Variants in LMO2 observed in about 807,000 individuals in gnomAD.
The protein encoded by LMO2 is LIM domain only 2, also known as rhombotin-2.
In LMO2, 20 loss-of-function variants were observed where a neutral mutation model predicts 23.2. The ratio of observed to expected loss-of-function variants is 0.86; its 90% CI spans 0.61 to 1.25. LMO2 has a LOEUF of 1.25. Ranked by LOEUF, LMO2 falls within the 50% of genes most tolerant of loss-of-function variation. The probability of loss-of-function intolerance (pLI) is 0.00; values close to 1 mark genes in which losing one functional copy is unlikely to be tolerated. For missense variants in LMO2, 270 were observed against 315.3 expected, an observed-to-expected ratio of 0.86 and a Z score of 1.09; for synonymous variants, 123 against 130.2, an observed-to-expected ratio of 0.94 and a Z score of 0.38.
At position 33,869,741 on chromosome 11, in the gene LMO2, CG is replaced by C; in HGVS notation, c.-26del. 7.9e-7 allele frequency: 1 copy of C among 1,266,200 alleles called. No homozygotes were observed. The highest frequency in any genetic ancestry group is 2.3e-5 in the South Asian group (1 of 44,060). 78.4% of individuals were successfully genotyped at this position (1,266,200 alleles called of 1,614,324 possible). On this transcript the variant is annotated 5_prime_UTR_variant, in exon 3 of 6. Coordinates refer to ENST00000257818, the MANE Select transcript of LMO2 (RefSeq NM_005574.4). ...TCCCGGTCCCGCCGCCGCCACCGCC[CG>C]GTCCCTCTCGCGCGCTGTCGCCGGC...
intron 4 of LMO2, among the ~76,000 whole-genome samples, chr11:33,866,715 G>A (rs534277414): frequency 9.2e-5 from 14 of 152,160 alleles, no homozygotes; most frequent in Admixed American, 7.8e-4. Context: ...GCACAATCTC[G>A]GCTCACTGCA....
At chr11:33,872,056 C>T (rs372160598) in intron 2 of LMO2, among the ~76,000 whole-genome samples, 14 of 152,118 alleles carry the variant, frequency 9.2e-5, no homozygotes, top group African/African-American at 1.4e-4. Context: ...TTTGAGAGGC[C>T]GAGGCGGGTG....
intron 1 of LMO2, among the ~76,000 whole-genome samples, chr11:33,889,893 A>C (rs1221454578): frequency 6.6e-6 from 1 of 152,228 alleles, no homozygotes; most frequent in Non-Finnish European, 1.5e-5. Flanking sequence ...AATCAACCTA[A>C]GTGTCCATCA....
At chr11:33,887,888 A>G (rs1857451755) in intron 1 of LMO2, among the ~76,000 whole-genome samples, 1 of 151,996 alleles carries the variant, frequency 6.6e-6, no homozygotes, top group South Asian at 2.1e-4. Context: ...ATGTGGATTT[A>G]ATGAGCCACT....
chr11:33,867,899 C>T (rs1856844533), intron 4 of LMO2, among the ~76,000 whole-genome samples: 1 of 152,162 alleles, frequency 6.6e-6, no homozygotes, highest in African/African-American at 2.4e-5. Context: ...AATTCACTCC[C>T]TTATTGTGTT....
chr11:33,882,764 T>C (rs1345329719), intron 1 of LMO2, among the ~76,000 whole-genome samples: 2 of 152,238 alleles, frequency 1.3e-5, no homozygotes, highest in African/African-American at 4.8e-5. Context: ...TCAGTAATAT[T>C]ATTCCAATTT....
chr11:33,862,230 T>A (rs975744174), intron 5 of LMO2, among the ~76,000 whole-genome samples: 3 of 152,178 alleles, frequency 2.0e-5, no homozygotes, highest in African/African-American at 7.2e-5. Flanking sequence ...GGAATATAAG[T>A]TATGCCTGGC....
At chr11:33,878,543 T>G (rs1055613753) in intron 2 of LMO2, among the ~76,000 whole-genome samples, 4 of 152,250 alleles carry the variant, frequency 2.6e-5, no homozygotes, top group African/African-American at 7.2e-5. Flanking sequence ...AGATAATGTA[T>G]GCAGTGGGCA....
In LMO2 at chr11:33,859,563, T is replaced by C; in HGVS notation, c.477A>G (p.Gln159=). 6.2e-7 allele frequency: 1 copy of C among 1,613,974 alleles called. No individual in the cohort carries two copies. Among genetic ancestry groups the C allele is most frequent in the Non-Finnish European group, 8.5e-7 (1 of 1,179,998 alleles). Residue 159 remains glutamine, a synonymous_variant, in exon 6 of 6, where the codon CAA becomes CAG. Transcript: ENST00000257818. The part of the protein sequence containing the change: ...CRRDYLRLFG[Q]DGLCASCDKR... ...TGTCACAGGATGCGCAGAGACCGTC[T>C]TGCCCAAAAAGCCTGGGGCAAAAGA...
intron 2 of LMO2, among the ~76,000 whole-genome samples, chr11:33,871,467 C>G (rs1257469201): frequency 7.0e-6 from 1 of 143,556 alleles, no homozygotes; most frequent in Admixed American, 7.2e-5. Flanking sequence ...ACTCGGGAGG[C>G]GGAGGTGGGA....
intron 2 of LMO2, chr11:33,881,288 A>G (rs1227101978): frequency 2.2e-6 from 1 of 456,814 alleles, no homozygotes; most frequent in Non-Finnish European, 4.4e-6. Flanking sequence ...GCAAAGGAAG[A>G]GCTATTAACA....
rs1050150058 is a variant in LMO2, at chr11:33,864,678, C to T, written c.388G>A (p.Gly130Ser). ...HEDCLSCDLC[G>S]CRLGEVGRRL... is the part of the protein sequence containing the mutation. ...CGCCCCACCTCACCCAGCCGGCAGC[C>T]ACAGAGGTCGCAGCTCAGGCAGTCC... Residue 130 changes from glycine (G) to serine (S), a missense_variant, in exon 5 of 6, where the codon GGC (glycine) becomes AGC (serine). Physicochemically the swap from Gly to Ser is moderately conservative, Grantham distance 56. Around this residue, in one of 2 missense-constraint regions of LMO2, gnomAD observed 100 missense variants for 153.3 expected, o/e 0.65. Coordinates refer to ENST00000257818, the MANE Select transcript of LMO2 (RefSeq NM_005574.4). This position sits in a 1 kb window ranked among gnomAD's most constrained non-coding sequence, Gnocchi z 4.8. The T allele has an allele frequency of 3.7e-6, 6 of 1,613,982 alleles. No homozygotes were observed. The highest frequency in any genetic ancestry group is 5.1e-6 in the Non-Finnish European group (6 of 1,180,046).
chr11:33,863,896 G>C (rs1251923546), intron 5 of LMO2, among the ~76,000 whole-genome samples: 2 of 152,162 alleles, frequency 1.3e-5, no homozygotes, highest in African/African-American at 4.8e-5. Flanking sequence ...TAGTTTATCT[G>C]CATTATTCCA....
chr11:33,871,209 G>C (rs1857013649), intron 2 of LMO2: 2 of 120,538 alleles, frequency 1.7e-5, no homozygotes, highest in South Asian at 5.1e-4. Context: ...AGCTGTGTGT[G>C]TGTGTGTGTG....
chr11:33,863,987 TTAAA>T lies in LMO2; in HGVS notation c.464+611_464+614del, dbSNP rs575480762. On this transcript the variant is annotated intron_variant, in intron 5 of 5. Transcript: ENST00000257818. ...ATAAGGAAATCGAGGCTTAGGAAGG[TTAAA>T]TAACTTGCCCAAGGCCACCAAGCTG... Among the ~76,000 whole-genome samples the T allele has an allele frequency of 7.4e-4, 113 of 152,222 alleles. 1 individual carries two copies. Among genetic ancestry groups the T allele is most frequent in the Admixed American group, 7.2e-3 (110 of 15,292 alleles).
chr11:33,868,186 C>A (rs982443660), intron 4 of LMO2, among the ~76,000 whole-genome samples: 1 of 152,104 alleles, frequency 6.6e-6, no homozygotes, highest in East Asian at 1.9e-4. Flanking sequence ...ATATGTTGAG[C>A]TTTTATGCTG....
At position 33,869,307 on chromosome 11, in the gene LMO2, G is replaced by A. The variant is rs1013319734; in HGVS notation, c.248+39C>T. The A allele has an allele frequency of 1.5e-5, 17 of 1,150,008 alleles. No homozygotes were observed. In the East Asian group the frequency reaches 3.9e-4, roughly 26 times the overall value. 71.2% of individuals were successfully genotyped at this position (1,150,008 alleles called of 1,614,324 possible). On this transcript the variant is annotated intron_variant, in intron 4 of 5. Transcript: ENST00000257818. ...CCGACGCTCCGGGACGCGAGGCCGT[G>A]GACACCGGGGGTGGCAGGGGCAGGG...
At chr11:33,890,183 T>C (rs35918260) in intron 1 of LMO2, among the ~76,000 whole-genome samples, 43,908 of 151,832 alleles carry the variant, frequency 0.29, 6,943 homozygotes, top group African/African-American at 0.42. Flanking sequence ...ATAGGTACAA[T>C]GTGGTGATAT....
chr11:33,890,359 G>C (rs1441812828), intron 1 of LMO2, among the ~76,000 whole-genome samples: 1 of 151,944 alleles, frequency 6.6e-6, no homozygotes, highest in Non-Finnish European at 1.5e-5. Flanking sequence ...TTTTGTTTTT[G>C]TTTTTGTTTT....
Sources: allele counts gnomAD v4.1 joint callset (sites outside exome capture counted in the v4.1 genomes callset), GRCh38; gene constraint gnomAD v4.1.1; regional missense constraint gnomAD v4.1.1; non-coding constraint Gnocchi (gnomAD v3.1); transcripts MANE v1.5; gene names NCBI Gene and HGNC (gene_info 2026-07-23, HGNC 2026-07-21).